The following POLK variants were observed in gnomAD, a reference collection of about 807,000 sequenced individuals.
POLK encodes DNA polymerase kappa, also known as polymerase (DNA directed) kappa.
Under a neutral mutation model 94.0 loss-of-function variants are expected in POLK, and 76 were observed. That is an observed-to-expected ratio of 0.81 (90% confidence interval 0.67 to 0.98). The LOEUF is 0.98. POLK is among the 50% of genes least tolerant of loss of function. POLK has a pLI of 0.00. For synonymous variants in POLK, 349 were observed against 325.4 expected (o/e 1.07, Z -0.78); for missense variants, 954 against 1,010.1 (o/e 0.94, Z 0.75).
Position 75,573,301 on chromosome 5 carries a change from A to G in POLK, c.409-437A>G, listed in dbSNP as rs920692020. 5.9e-5 allele frequency among the ~76,000 whole-genome samples: 9 copies of G among 152,088 alleles called. 1 individual carries two copies. Among genetic ancestry groups the G allele is most frequent in the Non-Finnish European group, 1.2e-4 (8 of 68,018 alleles). On this transcript the variant is annotated intron_variant, in intron 4 of 14. Coordinates refer to ENST00000241436, the Ensembl canonical transcript of POLK. ...CACCACATGTTCTCACTCATAGATGAGAATTGAACAACGAGAACACGTGGA... is the reference window on the plus strand; with the variant it reads ...CACCACATGTTCTCACTCATAGATGGGAATTGAACAACGAGAACACGTGGA...
intron 5 of POLK, among the ~76,000 whole-genome samples, chr5:75,574,732 T>C (rs997505497): frequency 6.6e-6 from 1 of 152,170 alleles, no homozygotes; most frequent in Non-Finnish European, 1.5e-5. Flanking sequence ...TTGTTTGTTT[T>C]TTTTCTGTCC....
intron 2 of POLK, among the ~76,000 whole-genome samples, chr5:75,548,835 T>A (rs1770188179): frequency 6.6e-6 from 1 of 151,892 alleles, no homozygotes; most frequent in Non-Finnish European, 1.5e-5. Flanking sequence ...TAGGTAAGGG[T>A]ATATAGGTGT....
At chr5:75,581,146 C>T (rs1772172269) in intron 6 of POLK, 63 bp from the exon 7 acceptor site, 7 of 1,169,102 alleles carry the variant, frequency 6.0e-6, no homozygotes, top group Non-Finnish European at 8.6e-6. Flanking sequence ...TGTAGGGAAA[C>T]CTAACTTATG....
chr5:75,529,469 C>A (rs1769037137), intron 1 of POLK, among the ~76,000 whole-genome samples: 1 of 152,094 alleles, frequency 6.6e-6, no homozygotes, highest in South Asian at 2.1e-4. Context: ...TGGAGAGGAA[C>A]ACACACATAA....
intron 10 of POLK, among the ~76,000 whole-genome samples, chr5:75,588,910 CCT>C: frequency 6.6e-6 from 1 of 152,304 alleles, no homozygotes; most frequent in East Asian, 1.9e-4. Flanking sequence ...AATTTAATCA[CCT>C]CTGCTAAATC....
chr5:75,575,603 C>G (rs1168042761), intron 5 of POLK, among the ~76,000 whole-genome samples: 2 of 152,132 alleles, frequency 1.3e-5, no homozygotes, highest in African/African-American at 4.8e-5. Context: ...AACAGTGTCT[C>G]TAGGGAGTAC....
chr5:75,523,593 G>T (rs1444921098), intron 1 of POLK, among the ~76,000 whole-genome samples: 1 of 152,172 alleles, frequency 6.6e-6, no homozygotes, highest in East Asian at 1.9e-4. Flanking sequence ...TGTGGAATGA[G>T]AACCCAAACT....
chr5:75,566,858 G>A (rs1771304195), intron 3 of POLK, among the ~76,000 whole-genome samples: 1 of 152,218 alleles, frequency 6.6e-6, no homozygotes, highest in African/African-American at 2.4e-5. Flanking sequence ...CCAGTTTTGA[G>A]CAGTAGCAAA....
chr5:75,515,278 C>A (rs1033550080), intron 1 of POLK, among the ~76,000 whole-genome samples: 1 of 152,064 alleles, frequency 6.6e-6, no homozygotes, highest in African/African-American at 2.4e-5. Context: ...TCCTGAGAAG[C>A]AGCAATAAAG....
exon 9 of POLK, chr5:75,584,818 G>A (rs776047465): frequency 6.3e-7 from 1 of 1,598,264 alleles, no homozygotes; most frequent in Non-Finnish European, 8.6e-7. Context: ...ATTATTACAT[G>A]TACAGAACTT....
chr5:75,511,380 T>G (rs1270151508), upstream of POLK: 1 of 1,546,298 alleles, frequency 6.5e-7, no homozygotes, highest in Non-Finnish European at 8.7e-7. Flanking sequence ...CCGCCGCGCC[T>G]GACACCGAGC....
At position 75,543,949 on chromosome 5, in the gene POLK, T is replaced by G. The variant is rs1580977891; in HGVS notation, c.-13-3061T>G. Among the ~76,000 whole-genome samples, 14 of 152,178 alleles carry G rather than the reference T, an allele frequency of 9.2e-5. 2 individuals carry two copies. In the South Asian group the frequency reaches 2.9e-3, roughly 32 times the overall value. ...CCCAGGCTCAAGTGAAACTCCCAAC[T>G]CAGACTTCCAAGTAGCTTGGACTAC... On this transcript the variant is annotated intron_variant, in intron 1 of 14. Coordinates refer to ENST00000241436, the Ensembl canonical transcript of POLK.
downstream of POLK, among the ~76,000 whole-genome samples, chr5:75,601,347 G>A (rs556548504): frequency 6.6e-6 from 1 of 152,276 alleles, no homozygotes; most frequent in South Asian, 2.1e-4. Flanking sequence ...TCCAAAGACA[G>A]CTGTTGACAG....
At chr5:75,551,673 T>C (rs1258918271) in intron 2 of POLK, among the ~76,000 whole-genome samples, 1 of 152,210 alleles carries the variant, frequency 6.6e-6, no homozygotes, top group African/African-American at 2.4e-5. Flanking sequence ...ATGCCATTCA[T>C]GCTACTATTG....
chr5:75,597,759 G>C, exon 14 of POLK: 1 of 1,509,510 alleles, frequency 6.6e-7, no homozygotes, highest in Non-Finnish European at 8.9e-7. Context: ...AGCTCAAGTG[G>C]AGTACAGAAG....
At chr5:75,563,641 T>C (rs537605505) in intron 3 of POLK, among the ~76,000 whole-genome samples, 2 of 152,350 alleles carry the variant, frequency 1.3e-5, no homozygotes, top group Middle Eastern at 6.8e-3. Flanking sequence ...TATTTCTGCC[T>C]TAATTTCATA....
At chr5:75,557,553 C>T (rs182815677) in intron 3 of POLK, among the ~76,000 whole-genome samples, 72 of 152,248 alleles carry the variant, frequency 4.7e-4, no homozygotes, top group African/African-American at 1.6e-3. Flanking sequence ...GTAAGTCAAA[C>T]CATCATAAGT....
intron 1 of POLK, among the ~76,000 whole-genome samples, chr5:75,521,790 A>G (rs1768602657): frequency 6.7e-6 from 1 of 149,818 alleles, no homozygotes; most frequent in African/African-American, 2.5e-5. Context: ...CTGCTAGGTC[A>G]CTCTGCCTCT....
intron 1 of POLK, among the ~76,000 whole-genome samples, chr5:75,537,980 C>T (rs1311188575): frequency 1.3e-5 from 2 of 151,992 alleles, no homozygotes; most frequent in East Asian, 3.9e-4. Flanking sequence ...CCTCAGCCGC[C>T]CGAGTAGCTG....
Sources: allele counts gnomAD v4.1 joint callset (sites outside exome capture counted in the v4.1 genomes callset), GRCh38; gene constraint gnomAD v4.1.1; transcripts MANE v1.5; gene names NCBI Gene and HGNC (gene_info 2026-07-23, HGNC 2026-07-21).